Variants in FBN2 observed in about 807,000 individuals in gnomAD.
FBN2 encodes fibrillin 2, also known as fibrillin-2.
Under a neutral mutation model 355.6 loss-of-function variants are expected in FBN2, and 105 were observed. The ratio of observed to expected loss-of-function variants is 0.30; its 90% confidence interval spans 0.25 to 0.35. The LOEUF is 0.35. Among genes scored for constraint, FBN2 ranks in the 10% least tolerant of loss-of-function variants. The pLI is 1.00. For synonymous variants in FBN2, 1,350 were observed against 1,301.2 expected, an observed-to-expected ratio of 1.04 and a Z score of -0.81; for missense variants, 3,280 against 3,758.7, an observed-to-expected ratio of 0.87 and a Z score of 3.33.
intron 8 of FBN2, among the ~76,000 whole-genome samples, chr5:128,403,685 A>T (rs1752856382): frequency 6.6e-6 from 1 of 152,056 alleles, no homozygotes; most frequent in African/African-American, 2.4e-5. Flanking sequence ...GAGAAATATT[A>T]TTAGGTACGT....
intron 23 of FBN2, among the ~76,000 whole-genome samples, chr5:128,347,976 G>A (rs1220224725): frequency 2.0e-5 from 3 of 151,866 alleles, no homozygotes; most frequent in African/African-American, 4.8e-5. Flanking sequence ...ACGGGGAGGG[G>A]GGGGTTCCCC....
rs185389333 is a variant in FBN2 at position 128,337,085 on chromosome 5, C to G, written c.3598+912G>C. 1.7e-3 allele frequency among the ~76,000 whole-genome samples: 261 copies of G among 152,262 alleles called. 1 individual carries two copies. The highest frequency in any genetic ancestry group is 6.8e-3 in the Middle Eastern group (2 of 294). ...CTTAGATCTGTGACTCATTATACCTCAATATGTTCAACCATGAATAAATAT... is the reference window on the plus strand; with the variant it reads ...CTTAGATCTGTGACTCATTATACCTGAATATGTTCAACCATGAATAAATAT... On this transcript the variant is annotated intron_variant, in intron 27 of 64. Coordinates refer to ENST00000262464, the MANE Select transcript of FBN2 (RefSeq NM_001999.4).
rs73343280 is a variant in FBN2, at chr5:128,302,735, T to G, written c.5917+238A>C. On this transcript the variant is annotated intron_variant, in intron 46 of 64. Transcript: ENST00000262464. ...TTTACTGTGATCTGAATGACCTTTT[T>G]TTCCTGAAATGATTGGCTGATTGAC... Among the ~76,000 whole-genome samples the G allele has an allele frequency of 0.012, 1,856 of 152,322 alleles. 48 individuals carry two copies. The highest frequency in any genetic ancestry group is 0.042 in the African/African-American group (1,765 of 41,568).
chr5:128,442,972 A>C, intron 7 of FBN2, among the ~76,000 whole-genome samples: 1 of 152,210 alleles, frequency 6.6e-6, no homozygotes, highest in Middle Eastern at 3.2e-3. Context: ...TGCTGCCCCC[A>C]GCATTAAAAC....
At chr5:128,514,944 C>T (rs1029140390) in intron 5 of FBN2, among the ~76,000 whole-genome samples, 4 of 152,076 alleles carry the variant, frequency 2.6e-5, no homozygotes, top group African/African-American at 7.2e-5. Context: ...CTATGTAATA[C>T]CAGCTTGTTC....
At chr5:128,520,431 T>C (rs922209581) in intron 4 of FBN2, among the ~76,000 whole-genome samples, 1 of 152,212 alleles carries the variant, frequency 6.6e-6, no homozygotes, top group African/African-American at 2.4e-5. Flanking sequence ...GATTATATTC[T>C]ATGACCTGTG....
chr5:128,454,012 T>C (rs1754323606), intron 6 of FBN2, among the ~76,000 whole-genome samples: 1 of 145,522 alleles, frequency 6.9e-6, no homozygotes, highest in African/African-American at 2.5e-5. Context: ...AGTTTCTCCT[T>C]CCATTACCCT....
At chr5:128,461,903 C>CA (rs1357695912) in intron 6 of FBN2, among the ~76,000 whole-genome samples, 4 of 152,038 alleles carry the variant, frequency 2.6e-5, no homozygotes, top group Non-Finnish European at 4.4e-5. Context: ...GGCAAACCAC[C>CA]ATGGTACACA....
At chr5:128,497,605 CTA>C (rs1345516462) in intron 5 of FBN2, among the ~76,000 whole-genome samples, 1 of 152,126 alleles carries the variant, frequency 6.6e-6, no homozygotes, top group Admixed American at 6.5e-5. Flanking sequence ...ATCTAGACTT[CTA>C]TGTTTTATCA....
chr5:128,428,701 C>A (rs186093593), intron 7 of FBN2, among the ~76,000 whole-genome samples: 28 of 152,288 alleles, frequency 1.8e-4, no homozygotes, highest in African/African-American at 6.7e-4. Context: ...CTGTCTCTTG[C>A]CTCTATAATG....
intron 5 of FBN2, among the ~76,000 whole-genome samples, chr5:128,471,914 G>A (rs1754871246): frequency 6.6e-6 from 1 of 152,156 alleles, no homozygotes; most frequent in Admixed American, 6.5e-5. Flanking sequence ...AAAGATATCT[G>A]ATGTATTTAA....
chr5:128,274,478 C>T, intron 60 of FBN2, 89 bp downstream of exon 60: 2 of 793,860 alleles, frequency 2.5e-6, no homozygotes, highest in South Asian at 2.8e-5. Context: ...ACATAAATAC[C>T]AGGACATTCT....
In FBN2 at chr5:128,278,688, G is replaced by A; in HGVS notation, c.7292C>T (p.Ala2431Val). 1 of 1,614,060 alleles carries A rather than the reference G, an allele frequency of 6.2e-7. No homozygotes were observed. The change falls in exon 57 of 65, where the codon GCC (alanine) becomes GTC (valine). Residue 2431 changes from alanine (A) to valine (V), a missense_variant. Physicochemically the swap from Ala to Val is moderately conservative, Grantham distance 64 (BLOSUM62 0). This residue lies in a region of FBN2 where 2,284 missense variants were observed against 2,749.5 expected (regional missense o/e 0.83). Transcript: ENST00000262464. ...QCELCPLPGT[A>V]QYKKICPHGP... The stretch of plus-strand genomic sequence containing the variant: ...ATGAGGACATATCTTTTTGTACTGG[G>A]CAGTTCCAGGAAGTGGGCAAAGCTC...
intron 19 of FBN2, among the ~76,000 whole-genome samples, chr5:128,358,281 T>C (rs1751554493): frequency 6.6e-6 from 1 of 152,102 alleles, no homozygotes; most frequent in African/African-American, 2.4e-5. Flanking sequence ...ACTTTTAAAG[T>C]GGTACACTTT....
chr5:128,392,297 G>T, intron 10 of FBN2, 142 bp from the exon 11 acceptor site: 1 of 733,228 alleles, frequency 1.4e-6, no homozygotes, highest in South Asian at 1.9e-5. Context: ...AAACTTTAAT[G>T]TGGAGAATCT....
chr5:128,350,070 G>GA, intron 21 of FBN2, 65 bp from the exon 22 acceptor site: 1 of 1,317,266 alleles, frequency 7.6e-7, no homozygotes, highest in Non-Finnish European at 1.1e-6. Context: ...GTATGCTCAA[G>GA]AAGAAGTATA....
intron 62 of FBN2, 114 bp from the exon 63 acceptor site, chr5:128,263,770 G>A (rs2126795888): frequency 1.5e-6 from 1 of 686,388 alleles, no homozygotes; most frequent in East Asian, 2.7e-5. Context: ...CTCTAACACA[G>A]TATTTTATTT....
chr5:128,511,789 T>G (rs1397764557), intron 5 of FBN2, among the ~76,000 whole-genome samples: 11 of 152,190 alleles, frequency 7.2e-5, no homozygotes, highest in Non-Finnish European at 1.2e-4. Flanking sequence ...GACTCCTCTC[T>G]GTACTGTTTG....
chr5:128,349,826 C>T, intron 22 of FBN2, 129 bp downstream of exon 22: 1 of 764,662 alleles, frequency 1.3e-6, no homozygotes, highest in Non-Finnish European at 2.3e-6. Flanking sequence ...TTGTTGATTA[C>T]ATCGAGTATT....
Sources: allele counts gnomAD v4.1 joint callset (sites outside exome capture counted in the v4.1 genomes callset), GRCh38; gene constraint gnomAD v4.1.1; regional missense constraint gnomAD v4.1.1; transcripts MANE v1.5; gene names NCBI Gene and HGNC (gene_info 2026-07-23, HGNC 2026-07-21).